Variants in COL28A1 observed in about 807,000 individuals in gnomAD.
COL28A1 encodes the protein collagen type XXVIII alpha 1 chain.
A neutral mutation model predicts 150.2 loss-of-function variants in COL28A1; 161 were observed. The observed-to-expected ratio is 1.07, with a 90% confidence interval of 0.94 to 1.22. The LOEUF is 1.22. Among genes scored for constraint, COL28A1 ranks in the 50% most tolerant of loss-of-function variants. The pLI is 0.00. For missense variants in COL28A1, 1,617 were observed against 1,388.3 expected (o/e 1.16, Z -2.62); for synonymous variants, 552 against 469.7 (o/e 1.18, Z -2.26).
chr7:7,430,366 A>G (rs1014015179), intron 25 of COL28A1, among the ~76,000 whole-genome samples: 2 of 152,146 alleles, frequency 1.3e-5, no homozygotes, highest in Non-Finnish European at 2.9e-5. Flanking sequence ...ACCTCAGGTG[A>G]TCTGCCCACC....
intron 33 of COL28A1, among the ~76,000 whole-genome samples, chr7:7,365,647 A>G (rs1403941365): frequency 2.6e-5 from 4 of 152,230 alleles, no homozygotes; most frequent in Non-Finnish European, 5.9e-5. Flanking sequence ...AATTTTGCAT[A>G]TATTACAAAG....
At chr7:7,511,834 C>T in intron 8 of COL28A1, 1 of 469,442 alleles carries the variant, frequency 2.1e-6, no homozygotes, top group East Asian at 7.0e-5. Context: ...CCTGTCTTCC[C>T]TAGAATATTG....
chr7:7,407,465 A>C (rs562530875), intron 27 of COL28A1, among the ~76,000 whole-genome samples: 3 of 152,268 alleles, frequency 2.0e-5, no homozygotes, highest in African/African-American at 7.2e-5. Context: ...AGGATAAATT[A>C]CTGTGAAAGG....
chr7:7,532,649 A>T (rs1782434040), intron 2 of COL28A1, 103 bp downstream of exon 2: 1 of 1,401,554 alleles, frequency 7.1e-7, no homozygotes, highest in Non-Finnish European at 9.5e-7. Context: ...TCACATGTAT[A>T]CATGTATATG....
At chr7:7,520,343 T>C (rs910609283) in intron 5 of COL28A1, among the ~76,000 whole-genome samples, 5 of 152,200 alleles carry the variant, frequency 3.3e-5, no homozygotes, top group Non-Finnish European at 5.9e-5. Flanking sequence ...GTTTCTCTCT[T>C]CCCACCAATT....
At chr7:7,364,109 C>G (rs952524812) in intron 33 of COL28A1, among the ~76,000 whole-genome samples, 1 of 152,160 alleles carries the variant, frequency 6.6e-6, no homozygotes, top group African/African-American at 2.4e-5. Context: ...TCCAATAACC[C>G]AGTCAGTACT....
At chr7:7,402,392 G>T (rs1354850717) in intron 27 of COL28A1, among the ~76,000 whole-genome samples, 1 of 152,162 alleles carries the variant, frequency 6.6e-6, no homozygotes, top group African/African-American at 2.4e-5. Flanking sequence ...AATCTTACTA[G>T]TTCCCAATCC....
intron 27 of COL28A1, among the ~76,000 whole-genome samples, chr7:7,413,690 CA>C (rs1783912208): frequency 6.6e-6 from 1 of 152,264 alleles, no homozygotes; most frequent in East Asian, 1.9e-4. Flanking sequence ...GGAAGAAAAT[CA>C]CCCACCAACC....
chr7:7,396,297 C>G (rs1406050621), intron 27 of COL28A1, among the ~76,000 whole-genome samples: 1 of 152,134 alleles, frequency 6.6e-6, no homozygotes, highest in African/African-American at 2.4e-5. Flanking sequence ...AGCTCATATA[C>G]TCATTTAATT....
At chr7:7,398,618 T>C (rs911919789) in intron 27 of COL28A1, among the ~76,000 whole-genome samples, 3 of 152,232 alleles carry the variant, frequency 2.0e-5, no homozygotes, top group African/African-American at 7.2e-5. Flanking sequence ...CTTTTCCAGT[T>C]GGACTCAGTT....
chr7:7,511,934 T>C, intron 8 of COL28A1: 1 of 347,124 alleles, frequency 2.9e-6, no homozygotes, highest in South Asian at 2.4e-5. Context: ...ACATTACCTG[T>C]CTGAGATAAA....
At chr7:7,511,705 T>C (rs1276888873) in intron 8 of COL28A1, 1 of 469,678 alleles carries the variant, frequency 2.1e-6, no homozygotes, top group Non-Finnish European at 4.4e-6. Context: ...GGTTCTGAAG[T>C]GAGATTGCAT....
intron 30 of COL28A1, among the ~76,000 whole-genome samples, chr7:7,375,788 C>G (rs73674506): frequency 0.058 from 8,895 of 152,210 alleles, 881 homozygotes; most frequent in African/African-American, 0.2. Flanking sequence ...ATCTGTGTCT[C>G]AGGGCTATGG....
intron 30 of COL28A1, among the ~76,000 whole-genome samples, chr7:7,378,387 C>G (rs906549350): frequency 1.3e-5 from 2 of 152,164 alleles, no homozygotes; most frequent in African/African-American, 4.8e-5. Flanking sequence ...TGGCTACATT[C>G]CCTGAGAGTT....
intron 25 of COL28A1, among the ~76,000 whole-genome samples, chr7:7,430,414 AC>A (rs1257082333): frequency 4.6e-5 from 7 of 152,222 alleles, no homozygotes; most frequent in Non-Finnish European, 8.8e-5. Flanking sequence ...GGCATGAGCC[AC>A]CACACCTGGC....
chr7:7,533,149 GT>G (rs1562935314), intron 1 of COL28A1, among the ~76,000 whole-genome samples: 2 of 152,050 alleles, frequency 1.3e-5, no homozygotes, highest in African/African-American at 4.8e-5. Context: ...CTATATTTAA[GT>G]ATTCTTAATT....
At chr7:7,525,139 C>A (rs1196399383) in intron 3 of COL28A1, among the ~76,000 whole-genome samples, 1 of 152,140 alleles carries the variant, frequency 6.6e-6, no homozygotes, top group Non-Finnish European at 1.5e-5. Context: ...GAGTCTTAGT[C>A]AATCAGACTC....
At chr7:7,416,720 T>G (rs931790244) in intron 27 of COL28A1, among the ~76,000 whole-genome samples, 1 of 152,224 alleles carries the variant, frequency 6.6e-6, no homozygotes, top group African/African-American at 2.4e-5. Context: ...TTAGAAGACC[T>G]GCTGTAGAAG....
chr7:7,375,561 A>G, intron 30 of COL28A1, 64 bp from the exon 31 acceptor site: 3 of 1,066,682 alleles, frequency 2.8e-6, no homozygotes, highest in Non-Finnish European at 4.0e-6. Flanking sequence ...CTAGAGCCAT[A>G]AAAGATATCT....
Sources: gnomAD v4.1 joint callset for allele counts (sites outside exome capture counted in the v4.1 genomes callset) on GRCh38, gnomAD v4.1.1 for gene constraint, MANE v1.5 for transcripts, NCBI Gene and HGNC (gene_info 2026-07-23, HGNC 2026-07-21) for gene names.